NR3C2: variants seen among roughly 807,000 people sequenced by gnomAD.
NR3C2 encodes nuclear receptor subfamily 3 group C member 2.
Under a neutral mutation model 86.4 loss-of-function variants are expected in NR3C2, and 15 were observed. The observed-to-expected ratio is 0.17, with a 90% CI of 0.12 to 0.27. The LOEUF is 0.27. Among genes scored for constraint, NR3C2 ranks in the 10% least tolerant of loss-of-function variants. The probability of loss-of-function intolerance (pLI) is 1.00; values close to 1 mark genes in which losing one functional copy is unlikely to be tolerated. For synonymous variants in NR3C2, 458 were observed against 450.5 expected (o/e 1.02, Z -0.21); for missense variants, 960 against 1,195.6 (o/e 0.80, Z 2.91).
intron 2 of NR3C2, among the ~76,000 whole-genome samples, chr4:148,287,462 G>GT (rs1741582590): frequency 6.6e-6 from 1 of 152,134 alleles, no homozygotes; most frequent in South Asian, 2.1e-4. Context: ...TTAGCTCGAT[G>GT]TTTAAAACAC....
At chr4:148,124,945 A>G (rs78790440) in intron 6 of NR3C2, among the ~76,000 whole-genome samples, 5,478 of 152,180 alleles carry the variant, frequency 0.036, 147 homozygotes, top group Non-Finnish European at 0.055. Context: ...GTTCTTTTCC[A>G]TAGGTATTTT....
chr4:148,296,277 G>A (rs990849243), intron 2 of NR3C2, among the ~76,000 whole-genome samples: 6 of 151,616 alleles, frequency 4.0e-5, no homozygotes, highest in Non-Finnish European at 8.8e-5. Flanking sequence ...CATCACTTAA[G>A]GATGGTACCA....
intron 6 of NR3C2, among the ~76,000 whole-genome samples, chr4:148,139,001 C>T (rs1195932535): frequency 3.3e-5 from 5 of 152,180 alleles, no homozygotes; most frequent in South Asian, 2.1e-4. Flanking sequence ...GGAAGGTTCC[C>T]GCCAGATGTG....
chr4:148,430,663 A>C (rs946747094), intron 2 of NR3C2, among the ~76,000 whole-genome samples: 2 of 152,124 alleles, frequency 1.3e-5, no homozygotes, highest in Non-Finnish European at 2.9e-5. Flanking sequence ...TATTAGAGTA[A>C]GCACCAATAC....
At chr4:148,386,571 C>T (rs562783722) in intron 2 of NR3C2, among the ~76,000 whole-genome samples, 22 of 152,170 alleles carry the variant, frequency 1.4e-4, no homozygotes, top group Non-Finnish European at 2.8e-4. Flanking sequence ...ATGAGTTCAA[C>T]GCCCTCATTT....
Position 148,120,123 on chromosome 4 carries a change from A to G in NR3C2, c.2641+35T>C, listed in dbSNP as rs370085705. On this transcript the variant is annotated intron_variant, in intron 7 of 8. Coordinates refer to ENST00000358102, the MANE Select transcript of NR3C2 (RefSeq NM_000901.5). ...GCCCTATGGGGAAGATGATCTGGTA[A>G]TATAGAAACAGTGCCAGAATGGGCA... is the stretch of plus-strand genomic sequence containing the variant. 1.1e-5 allele frequency: 17 copies of G among 1,613,462 alleles called. No individual in the cohort carries two copies. The African/African-American group carries it at 1.2e-4, about 11-fold the overall frequency.
intron 2 of NR3C2, among the ~76,000 whole-genome samples, chr4:148,305,541 A>T (rs1443861139): frequency 5.8e-5 from 4 of 68,684 alleles, no homozygotes; most frequent in Non-Finnish European, 1.2e-4. Flanking sequence ...ATTCTTTCTT[A>T]AAAAAAAAAA....
At chr4:148,221,092 A>AT (rs1560985336) in intron 3 of NR3C2, among the ~76,000 whole-genome samples, 2 of 152,164 alleles carry the variant, frequency 1.3e-5, no homozygotes, top group African/African-American at 4.8e-5. Context: ...AACTCTGTAC[A>AT]TTATATGGGG....
At chr4:148,390,880 T>A (rs72658604) in intron 2 of NR3C2, among the ~76,000 whole-genome samples, 1,879 of 152,316 alleles carry the variant, frequency 0.012, 42 homozygotes, top group African/African-American at 0.042. Flanking sequence ...ATTTATTTTA[T>A]CTGGTACACC....
chr4:148,229,298 A>G (rs1331745451), intron 3 of NR3C2, among the ~76,000 whole-genome samples: 1 of 152,112 alleles, frequency 6.6e-6, no homozygotes, highest in East Asian at 1.9e-4. Flanking sequence ...GTATTCAAAC[A>G]GTGAGGTGGG....
chr4:148,358,091 T>TA, intron 2 of NR3C2, among the ~76,000 whole-genome samples: 1 of 152,218 alleles, frequency 6.6e-6, no homozygotes, highest in South Asian at 2.1e-4. Flanking sequence ...GAACTAGAAA[T>TA]ACCATTTGAC....
At chr4:148,424,711 A>G (rs78906326) in intron 2 of NR3C2, among the ~76,000 whole-genome samples, 2 of 117,052 alleles carry the variant, frequency 1.7e-5, no homozygotes, top group South Asian at 2.4e-4. Flanking sequence ...GACAACATAG[A>G]AAAAAAAAAA....
chr4:148,155,752 A>G (rs112477341), intron 4 of NR3C2, among the ~76,000 whole-genome samples: 18,694 of 150,976 alleles, frequency 0.12, 1,486 homozygotes, highest in South Asian at 0.24. Flanking sequence ...ACGGAATTGG[A>G]AAAAACTACT....
intron 4 of NR3C2, among the ~76,000 whole-genome samples, chr4:148,168,269 C>T (rs1380329827): frequency 6.6e-6 from 1 of 152,198 alleles, no homozygotes; most frequent in Non-Finnish European, 1.5e-5. Context: ...AAGTGATGCA[C>T]AGAAAGACTA....
chr4:148,363,521 T>TTTTTTTTTTTTTTTTTTTA (rs1579208008), intron 2 of NR3C2, among the ~76,000 whole-genome samples: 1 of 148,236 alleles, frequency 6.7e-6, no homozygotes. Flanking sequence ...TTTTTTTTTT[T>TTTTTTTTTTTTTTTTTTTA]GAGACGGAGT....
At chr4:148,338,857 C>T (rs1232745433) in intron 2 of NR3C2, among the ~76,000 whole-genome samples, 1 of 152,134 alleles carries the variant, frequency 6.6e-6, no homozygotes, top group African/African-American at 2.4e-5. Flanking sequence ...AAACAAAACA[C>T]ATCTCAGGGC....
chr4:148,168,597 T>G (rs1734987098), intron 4 of NR3C2, among the ~76,000 whole-genome samples: 1 of 152,234 alleles, frequency 6.6e-6, no homozygotes, highest in South Asian at 2.1e-4. Context: ...AGACATTTAT[T>G]GATATTTATT....
At chr4:148,422,350 A>T (rs1268047475) in intron 2 of NR3C2, among the ~76,000 whole-genome samples, 2 of 152,046 alleles carry the variant, frequency 1.3e-5, no homozygotes, top group East Asian at 3.9e-4. Flanking sequence ...TATGATCATA[A>T]ATTCTTTAGT....
At chr4:148,259,219 A>G (rs1739974774) in intron 3 of NR3C2, among the ~76,000 whole-genome samples, 1 of 152,228 alleles carries the variant, frequency 6.6e-6, no homozygotes, top group African/African-American at 2.4e-5. Context: ...CCATTACACA[A>G]TGAATCTTTT....
Sources: allele counts gnomAD v4.1 joint callset (sites outside exome capture counted in the v4.1 genomes callset), GRCh38; gene constraint gnomAD v4.1.1; transcripts MANE v1.5; gene names NCBI Gene and HGNC (gene_info 2026-07-23, HGNC 2026-07-21).